The following MUS81 variants were observed in gnomAD, a reference collection of about 807,000 sequenced individuals.
MUS81 encodes the protein structure-specific endonuclease subunit MUS81.
MUS81 carries 69 observed loss-of-function variants against 74.2 expected under a neutral mutation model. The observed-to-expected ratio is 0.93, with a 90% CI of 0.77 to 1.14. The LOEUF is 1.14. Among genes scored for constraint, MUS81 ranks in the 50% most tolerant of loss-of-function variants. MUS81 has a pLI of 0.00. For synonymous variants in MUS81, 303 were observed against 300.6 expected (o/e 1.01, Z -0.08); for missense variants, 711 against 726.5 (o/e 0.98, Z 0.25).
chr11:65,863,002 G>C, intron 6 of MUS81, 63 bp from the exon 7 acceptor site: 1 of 1,609,990 alleles, frequency 6.2e-7, no homozygotes, highest in Non-Finnish European at 8.5e-7. Context: ...CTGGGGGCAG[G>C]CAGGAAAGCC....
upstream of MUS81, chr11:65,860,325 A>G (rs1268824449): frequency 2.1e-6 from 1 of 466,114 alleles, no homozygotes; most frequent in South Asian, 1.5e-5. Flanking sequence ...TAGAGCCGCC[A>G]AGCTCAGGTT....
intron 10 of MUS81, 90 bp downstream of exon 10, chr11:65,863,991 C>T: frequency 7.6e-7 from 1 of 1,315,496 alleles, no homozygotes; most frequent in Non-Finnish European, 1.1e-6. Context: ...TGGCAGCCTC[C>T]TTGAGGCAGA....
At chr11:65,861,504 A>AT in intron 3 of MUS81, 69 bp downstream of exon 3, 2 of 1,403,264 alleles carry the variant, frequency 1.4e-6, no homozygotes, top group Non-Finnish European at 1.9e-6. Context: ...GGCTTGGGGG[A>AT]TTTGGCAAGC....
At position 65,865,045 on chromosome 11, in the gene MUS81, G is replaced by T. The variant is rs1447973452; in HGVS notation, c.1301G>T (p.Gly434Val). 2 of 1,613,768 alleles carry T rather than the reference G, an allele frequency of 1.2e-6. No individual in the cohort carries two copies. Among genetic ancestry groups the T allele is most frequent in the Non-Finnish European group, 1.7e-6 (2 of 1,179,990 alleles). The part of the protein sequence containing the change: ...QGHTLRSRPW[G>V]TPGNPESGAM... The stretch of plus-strand genomic sequence containing the variant: ...CACACCCTACGCAGCCGCCCCTGGG[G>T]AACCCCTGGGAACCCTGAATCAGGG... The change falls in exon 13 of 16, where the codon GGA (glycine) becomes GTA (valine). Residue 434 changes from glycine (G) to valine (V), a missense_variant. Transcript: ENST00000308110.
intron 2 of MUS81, 33 bp downstream of exon 2, chr11:65,861,135 C>T (rs2134722898): frequency 6.2e-7 from 1 of 1,610,910 alleles, no homozygotes; most frequent in Non-Finnish European, 8.5e-7. Context: ...GGTGATCCCC[C>T]ACCTCCCCCA....
chr11:65,866,801 C>A, downstream of MUS81: 1 of 1,359,678 alleles, frequency 7.4e-7, no homozygotes, highest in Non-Finnish European at 1.0e-6. Flanking sequence ...TGCAGTGTGA[C>A]CCGCCCACCT....
Position 65,863,428 on chromosome 11 carries a change from C to T in MUS81, c.765C>T (p.Val255=). Residue 255 remains valine (V), a synonymous_variant, in exon 8 of 16, where the codon GTC becomes GTT. Coordinates refer to ENST00000308110, the MANE Select transcript of MUS81 (RefSeq NM_025128.5). ...ASAELASEAG[V]QQQPLELRPG... is the part of the protein sequence containing the mutation. ...CACTTAGTGCCAGTGAAGCAGGGGT[C>T]CAGCAGCAGCCACTGGAGCTGAGGC... is the stretch of plus-strand genomic sequence containing the variant. The T allele has an allele frequency of 1.2e-6, 2 of 1,614,066 alleles. No homozygotes were observed. Among genetic ancestry groups the T allele is most frequent in the Non-Finnish European group, 1.7e-6 (2 of 1,180,004 alleles).
chr11:65,865,070 G>A lies in MUS81; in HGVS notation c.1326G>A (p.Gly442=). ...PWGTPGNPES[G]AMTSPNPLCS... ...GAACCCCTGGGAACCCTGAATCAGG[G>A]GCCATGACCTCTCCAAACCCTCTCT... Residue 442 remains glycine, a synonymous_variant, in exon 13 of 16, where the codon GGG becomes GGA. Transcript: ENST00000308110. 1.2e-6 allele frequency: 2 copies of A among 1,614,030 alleles called. No homozygotes were observed. Among genetic ancestry groups the A allele is most frequent in the Non-Finnish European group, 1.7e-6 (2 of 1,180,014 alleles).
intron 3 of MUS81, 94 bp from the exon 4 acceptor site, chr11:65,861,853 C>A: frequency 2.1e-6 from 2 of 949,314 alleles, no homozygotes; most frequent in Non-Finnish European, 3.2e-6. Flanking sequence ...TGAGAGACAA[C>A]TGAGTGACTT....
chr11:65,861,592 T>C lies in MUS81; in HGVS notation c.351+157T>C, dbSNP rs1247372430. 4 of 632,086 alleles carry C rather than the reference T, an allele frequency of 6.3e-6. No individual in the cohort carries two copies. The Admixed American group carries it at 1.2e-4, about 18-fold the overall frequency. 39.2% of individuals were successfully genotyped at this position (632,086 alleles called of 1,614,324 possible). A position where few individuals can be genotyped will look rare whatever the true frequency, so the allele number is the denominator to read the frequency against. On this transcript the variant is annotated intron_variant, in intron 3 of 15. Transcript: ENST00000308110. ...CTTTTCGACTTAGTATTTTAACCTG[T>C]GAATAGAAATATTGGTAACAGCCAA...
rs776491014 is a variant in MUS81, at chr11:65,862,485, C to CTT, written c.561_562insTT (p.Leu188PhefsTer19). 5 of 1,613,818 alleles carry CTT rather than the reference C, an allele frequency of 3.1e-6. No individual in the cohort carries two copies. In the Admixed American group the frequency reaches 8.3e-5, roughly 27 times the overall value. ...CTCGACCCTGGCCAGCCCTCCGCTC[C>CTT]CTCCTTCACAGGAACCTGGTCCTCA... On this transcript the variant is annotated frameshift_variant, in exon 6 of 16. Coordinates refer to ENST00000308110, the MANE Select transcript of MUS81 (RefSeq NM_025128.5). LOFTEE classifies it high-confidence loss of function.
At chr11:65,865,936 G>A (rs1447297775) in intron 15 of MUS81, 42 bp downstream of exon 15, 4 of 1,613,830 alleles carry the variant, frequency 2.5e-6, no homozygotes, top group Admixed American at 1.7e-5. Context: ...GGCAGGGACT[G>A]GGGCTGCCCT....
In MUS81 at chr11:65,862,509, C is replaced by T; in HGVS notation, c.585C>T (p.Leu195=). ...LRSLLHRNLV[L]RTHQPARYSL... ...CCCTCCTTCACAGGAACCTGGTCCT[C>T]AGGACACACCAGCCAGCCAGGTGGG... The change falls in exon 6 of 16, where the codon CTC becomes CTT. Residue 195 remains leucine (L), a synonymous_variant. Transcript: ENST00000308110. 1.2e-6 allele frequency: 2 copies of T among 1,613,682 alleles called. No homozygotes were observed. Among genetic ancestry groups the T allele is most frequent in the Non-Finnish European group, 1.7e-6 (2 of 1,179,968 alleles).
downstream of MUS81, chr11:65,867,525 C>A: frequency 2.2e-6 from 1 of 453,266 alleles, no homozygotes; most frequent in South Asian, 2.1e-5. Context: ...CGCCCCTGGC[C>A]CCCTCCCACC....
rs770196208 is a variant in MUS81 at position 65,864,781 on chromosome 11, C to T, written c.1238C>T (p.Ala413Val). 1 of 1,613,872 alleles carries T rather than the reference C, an allele frequency of 6.2e-7. No individual in the cohort carries two copies. The highest frequency in any genetic ancestry group is 8.5e-7 in the Non-Finnish European group (1 of 1,179,996). The change falls in exon 12 of 16, where the codon GCC becomes GTC. Residue 413 changes from alanine to valine, a missense_variant. Coordinates refer to ENST00000308110, the MANE Select transcript of MUS81 (RefSeq NM_025128.5). ...ADIKESAAYL[A>V]LLTRGLQRLY... ...ATTAAGGAGTCAGCCGCCTACCTGG[C>T]CCTCTTGACGCGGGGCCTGCAGAGA... is the stretch of plus-strand genomic sequence containing the variant.
downstream of MUS81, chr11:65,866,606 C>G (rs1043479): frequency 2.8e-5 from 20 of 703,046 alleles, no homozygotes; most frequent in South Asian, 2.8e-4. Flanking sequence ...GTCCAAATCT[C>G]TGGGCCGGGG....
At chr11:65,862,550 T>C (rs1168645926) in intron 6 of MUS81, 21 bp downstream of exon 6, 2 of 1,609,082 alleles carry the variant, frequency 1.2e-6, no homozygotes, top group South Asian at 1.1e-5. Context: ...CTGCAGGAGA[T>C]ACAGGAGAGC....
At chr11:65,865,448 TC>T in intron 14 of MUS81, 125 bp downstream of exon 14, 1 of 1,016,828 alleles carries the variant, frequency 9.8e-7, no homozygotes, top group Non-Finnish European at 1.4e-6. Context: ...GATAGACAGA[TC>T]CCAGGGTGCT....
At position 65,866,368 on chromosome 11, in the gene MUS81, G is replaced by A. The variant is rs1859837058; in HGVS notation, c.*316G>A. On this transcript the variant is annotated 3_prime_UTR_variant, in exon 16 of 16. Coordinates refer to ENST00000308110, the MANE Select transcript of MUS81 (RefSeq NM_025128.5). Reference sequence around the variant, plus strand: ...CATCAAATAAAATTTCCTTAGGAGTGCAGAGGGCTCATTGGGAAAATAAAA... The same window carrying A: ...CATCAAATAAAATTTCCTTAGGAGTACAGAGGGCTCATTGGGAAAATAAAA... 6.4e-6 allele frequency: 4 copies of A among 620,566 alleles called. No homozygotes were observed. The highest frequency in any genetic ancestry group is 5.9e-5 in the South Asian group (3 of 50,986). The allele number at this position is 620,566 out of a possible 1,614,324, so 38.4% of individuals were successfully genotyped here.
Sources: gnomAD v4.1 joint callset for allele counts on GRCh38, gnomAD v4.1.1 for gene constraint, MANE v1.5 for transcripts, NCBI Gene and HGNC (gene_info 2026-07-23, HGNC 2026-07-21) for gene names.